Variants in GPALPP1 observed in about 807,000 individuals in gnomAD.
GPALPP1 encodes GPALPP motifs containing 1, also known as GPALPP motifs-containing protein 1.
In GPALPP1, 30 loss-of-function variants were observed where a neutral mutation model predicts 38.9. The observed-to-expected ratio is 0.77, with a 90% CI of 0.58 to 1.05. GPALPP1 has a LOEUF of 1.05. Ranked by LOEUF, GPALPP1 falls within the 50% of genes least tolerant of loss-of-function variation. The probability of loss-of-function intolerance (pLI) is 0.00; values close to 1 mark genes in which losing one functional copy is unlikely to be tolerated. For synonymous variants in GPALPP1, 120 were observed against 139.2 expected (o/e 0.86, Z 0.97); for missense variants, 384 against 408.8 (o/e 0.94, Z 0.52).
At position 45,008,810 on chromosome 13, in the gene GPALPP1, T is replaced by C; in HGVS notation, c.339T>C (p.Pro113=). ...DDSPPRPIIG[P]ALPPGFIKST... is the part of the protein sequence containing the mutation. ...TATTTTTCAGGCCCATAATAGGTCC[T>C]GCATTGCCACCTGGTTTCATTAAAT... The change falls in exon 4 of 8, where the codon CCT becomes CCC. Residue 113 remains proline, a synonymous_variant. Transcript: ENST00000379151. The C allele has an allele frequency of 1.3e-6, 2 of 1,579,710 alleles. No individual in the cohort carries two copies. The highest frequency in any genetic ancestry group is 1.7e-6 in the Non-Finnish European group (2 of 1,148,714).
At chr13:45,005,591 G>A (rs886299328) in intron 2 of GPALPP1, among the ~76,000 whole-genome samples, 1 of 152,124 alleles carries the variant, frequency 6.6e-6, no homozygotes, top group African/African-American at 2.4e-5. Flanking sequence ...AGAAACATCT[G>A]ACCAATAGAC....
intron 7 of GPALPP1, among the ~76,000 whole-genome samples, chr13:45,027,242 T>C (rs1875897939): frequency 6.6e-6 from 1 of 152,106 alleles, no homozygotes; most frequent in African/African-American, 2.4e-5. Flanking sequence ...TTGTTTTTGC[T>C]CAGACTTTGT....
At position 44,989,686 on chromosome 13, in the gene GPALPP1, C is replaced by A. The variant is rs771849272; in HGVS notation, c.32C>A (p.Pro11Gln). ...AGAGACCTGATCGGACCGGCCCTGC[C>A]GCCCGGCTTCAAGGCCCGCGGAACA... MARDLIGPAL[P>Q]PGFKARGTAE... The change falls in exon 1 of 8, where the codon CCG becomes CAG. Residue 11 changes from proline to glutamine, a missense_variant. Coordinates refer to ENST00000379151, the MANE Select transcript of GPALPP1 (RefSeq NM_018559.5). 9 of 1,612,454 alleles carry A rather than the reference C, an allele frequency of 5.6e-6. No individual in the cohort carries two copies. In the Admixed American group the frequency reaches 1.3e-4, roughly 24 times the overall value.
chr13:45,008,812 C>T lies in GPALPP1; in HGVS notation c.341C>T (p.Ala114Val). The change falls in exon 4 of 8, where the codon GCA (alanine) becomes GTA (valine). Residue 114 changes from alanine (A) to valine (V), a missense_variant. Physicochemically the swap from Ala to Val is moderately conservative, Grantham distance 64. Coordinates refer to ENST00000379151, the MANE Select transcript of GPALPP1 (RefSeq NM_018559.5). Reference sequence around the variant, plus strand: ...TTTTTCAGGCCCATAATAGGTCCTGCATTGCCACCTGGTTTCATTAAATCT... The same window carrying T: ...TTTTTCAGGCCCATAATAGGTCCTGTATTGCCACCTGGTTTCATTAAATCT... ...DSPPRPIIGP[A>V]LPPGFIKSTQ... 1 of 1,581,376 alleles carries T rather than the reference C, an allele frequency of 6.3e-7. No homozygotes were observed. Among genetic ancestry groups the T allele is most frequent in the Middle Eastern group, 1.7e-4 (1 of 5,996 alleles).
intron 1 of GPALPP1, among the ~76,000 whole-genome samples, chr13:44,999,300 T>C (rs374369749): frequency 6.6e-6 from 1 of 152,150 alleles, no homozygotes; most frequent in East Asian, 1.9e-4. Context: ...TTCTGTGTGA[T>C]ATGAAAGGGA....
intron 2 of GPALPP1, among the ~76,000 whole-genome samples, chr13:45,004,726 C>T (rs1873952373): frequency 1.3e-5 from 2 of 152,090 alleles, no homozygotes; most frequent in East Asian, 1.9e-4. Flanking sequence ...TGGCTCACTG[C>T]AGCCTCTGCC....
chr13:45,019,048 AATATAAATATATAC>A (rs1274083362), intron 6 of GPALPP1, among the ~76,000 whole-genome samples: 9 of 14,936 alleles, frequency 6.0e-4, no homozygotes, highest in South Asian at 3.2e-3. Context: ...GAAATATATA[AATATAAATATATAC>A]ATATAAATAT....
chr13:44,998,444 T>C (rs1408257004), intron 1 of GPALPP1, among the ~76,000 whole-genome samples: 1 of 152,208 alleles, frequency 6.6e-6, no homozygotes, highest in Non-Finnish European at 1.5e-5. Flanking sequence ...CCCTCACCAA[T>C]TCAAGGCTTC....
intron 7 of GPALPP1, among the ~76,000 whole-genome samples, chr13:45,021,103 T>G (rs1292784174): frequency 6.6e-6 from 1 of 152,224 alleles, no homozygotes. Flanking sequence ...TTTTGTTATC[T>G]TCTGTCTTTT....
At chr13:45,020,589 T>C (rs1230347895) in intron 7 of GPALPP1, among the ~76,000 whole-genome samples, 161 bp downstream of exon 7, 1 of 151,804 alleles carries the variant, frequency 6.6e-6, no homozygotes, top group Non-Finnish European at 1.5e-5. Flanking sequence ...TTTTTTTAAA[T>C]TAGCCAACTG....
At position 45,024,304 on chromosome 13, in the gene GPALPP1, GTGTGTT is replaced by G. The variant is rs1566084682; in HGVS notation, c.805-3479_805-3474del. ...TGTGTGTGTGTGTGTGTGTGTGTGT[GTGTGTT>G]TTGAGACTGAGTCTCGCTCTGCTCC... On this transcript the variant is annotated intron_variant, in intron 7 of 7. Transcript: ENST00000379151. Among the ~76,000 whole-genome samples the G allele has an allele frequency of 1.2e-3, 175 of 147,430 alleles. 4 individuals carry two copies. Among genetic ancestry groups the G allele is most frequent in the Middle Eastern group, 3.4e-3 (1 of 292 alleles).
rs181216381 is a variant in GPALPP1 at position 44,995,981 on chromosome 13, C to G, written c.88+6239C>G. Among the ~76,000 whole-genome samples the G allele has an allele frequency of 8.5e-5, 13 of 152,260 alleles. No homozygotes were observed. The East Asian group carries it at 2.5e-3, about 29-fold the overall frequency. On this transcript the variant is annotated intron_variant, in intron 1 of 7. Transcript: ENST00000379151. ...ATGAGGAAAGGAACCACGTCCTAAG[C>G]CTCTGTAATCCCCAATACTAGCAGG...
chr13:44,997,273 G>T (rs1426611851), intron 1 of GPALPP1, among the ~76,000 whole-genome samples: 1 of 152,112 alleles, frequency 6.6e-6, no homozygotes, highest in East Asian at 1.9e-4. Context: ...CCAGAGTAAA[G>T]AGGAGTGAGG....
At chr13:44,996,890 C>T (rs530534572) in intron 1 of GPALPP1, among the ~76,000 whole-genome samples, 66 of 143,508 alleles carry the variant, frequency 4.6e-4, no homozygotes, top group African/African-American at 1.4e-3. Flanking sequence ...AGTTCAGTGG[C>T]ATTAAATACA....
chr13:45,019,827 A>G (rs1036554886), intron 6 of GPALPP1, among the ~76,000 whole-genome samples: 10 of 151,384 alleles, frequency 6.6e-5, no homozygotes, highest in Non-Finnish European at 1.3e-4. Context: ...TTTTCAAGAA[A>G]ATCACAGACT....
chr13:45,029,395 T>A lies in GPALPP1; in HGVS notation c.*1392T>A, dbSNP rs1016104468. 5.3e-5 allele frequency: 8 copies of A among 152,236 alleles called. No individual in the cohort carries two copies. The highest frequency in any genetic ancestry group is 1.9e-4 in the African/African-American group (8 of 41,456). 9.4% of individuals were successfully genotyped at this position (152,236 alleles called of 1,614,324 possible). A position where few individuals can be genotyped will look rare whatever the true frequency, so the allele number is the denominator to read the frequency against. On this transcript the variant is annotated 3_prime_UTR_variant, in exon 8 of 8. Coordinates refer to ENST00000379151, the MANE Select transcript of GPALPP1 (RefSeq NM_018559.5). ...GTCCTTTTAAGGTCATGTGGAAACATAAAACGAATGTTTTTTATGTAGAAC... is the reference window on the plus strand; with the variant it reads ...GTCCTTTTAAGGTCATGTGGAAACAAAAAACGAATGTTTTTTATGTAGAAC...
chr13:45,000,774 A>G (rs1873617088), intron 1 of GPALPP1, among the ~76,000 whole-genome samples: 1 of 152,264 alleles, frequency 6.6e-6, no homozygotes, highest in Admixed American at 6.5e-5. Flanking sequence ...ATTGGGGAAC[A>G]CTTACATACT....
At position 45,015,474 on chromosome 13, in the gene GPALPP1, C is replaced by G; in HGVS notation, c.583C>G (p.Leu195Val). 6.2e-7 allele frequency: 1 copy of G among 1,605,118 alleles called. No individual in the cohort carries two copies. Among genetic ancestry groups the G allele is most frequent in the Non-Finnish European group, 8.5e-7 (1 of 1,175,592 alleles). ...TGTAAGAGAGTCATGGATGACTGAACTTCCTCCAGAAATGAAAGACTTTGG... is the reference window on the plus strand; with the variant it reads ...TGTAAGAGAGTCATGGATGACTGAAGTTCCTCCAGAAATGAAAGACTTTGG... ...PIVRESWMTE[L>V]PPEMKDFGLG... Residue 195 changes from leucine to valine, a missense_variant, in exon 6 of 8, where the codon CTT (leucine) becomes GTT (valine). Coordinates refer to ENST00000379151, the MANE Select transcript of GPALPP1 (RefSeq NM_018559.5).
At chr13:45,027,679 C>T in intron 7 of GPALPP1, 106 bp from the exon 8 acceptor site, 2 of 558,018 alleles carry the variant, frequency 3.6e-6, no homozygotes, top group South Asian at 3.0e-5. Context: ...TGTAAATAGC[C>T]CTCCTTAATG....
Sources: allele counts gnomAD v4.1 joint callset (sites outside exome capture counted in the v4.1 genomes callset), GRCh38; gene constraint gnomAD v4.1.1; transcripts MANE v1.5; gene names NCBI Gene and HGNC (gene_info 2026-07-23, HGNC 2026-07-21).